The following GLIS1 variants were observed in gnomAD, a reference collection of about 807,000 sequenced individuals.
GLIS1 encodes the protein GLIS family zinc finger 1.
A neutral mutation model predicts 63.8 loss-of-function variants in GLIS1; 24 were observed. The ratio of observed to expected loss-of-function variants is 0.38; its 90% CI spans 0.27 to 0.53. The LOEUF (loss-of-function observed/expected upper bound fraction) is 0.53. Ranked by LOEUF, GLIS1 falls within the 20% of genes least tolerant of loss-of-function variation. GLIS1 has a pLI of 0.85. For synonymous variants in GLIS1, 450 were observed against 482.5 expected, an observed-to-expected ratio of 0.93 and a Z score of 0.88; for missense variants, 1,036 against 1,074.1, an observed-to-expected ratio of 0.96 and a Z score of 0.50.
chr1:53,509,937 C>A lies in GLIS1; in HGVS notation c.1974G>T (p.Pro658=). ...GGAGTGTGGGGAAGGGCTGGCCCCCCGGAGAATGGCTCTGAGAGGATGGGG... is the reference window on the plus strand; with the variant it reads ...GGAGTGTGGGGAAGGGCTGGCCCCCAGGAGAATGGCTCTGAGAGGATGGGG... ...PLPPSSQSHS[P]GGQPFPTLPS... is the part of the protein sequence containing the mutation. Residue 658 remains proline, a synonymous_variant, in exon 9 of 11, where the codon CCG becomes CCT. Transcript: ENST00000628545. 2 of 1,304,022 alleles carry A rather than the reference C, an allele frequency of 1.5e-6. No individual in the cohort carries two copies. The highest frequency in any genetic ancestry group is 2.0e-6 in the Non-Finnish European group (2 of 1,017,744). 80.8% of individuals were successfully genotyped at this position (1,304,022 alleles called of 1,614,324 possible).
chr1:53,626,344 C>T (rs558865206), intron 2 of GLIS1, among the ~76,000 whole-genome samples: 10 of 152,288 alleles, frequency 6.6e-5, no homozygotes, highest in Admixed American at 5.9e-4. Flanking sequence ...AGTCTGTCCT[C>T]GAGAGCCAGC....
rs765023362 is a variant in GLIS1 at position 53,574,930 on chromosome 1, C to T, written c.1320+19178G>A. 6.6e-6 allele frequency among the ~76,000 whole-genome samples: 1 copy of T among 152,110 alleles called. No homozygotes were observed. Among genetic ancestry groups the T allele is most frequent in the Admixed American group, 6.5e-5 (1 of 15,278 alleles). ...CTCTTAACAAATGGTGTGATCACTCCGGGGGCAGGGTGGGCAGCCCCGGTC... is the reference window on the plus strand; with the variant it reads ...CTCTTAACAAATGGTGTGATCACTCTGGGGGCAGGGTGGGCAGCCCCGGTC... On this transcript the variant is annotated intron_variant, in intron 4 of 10. Transcript: ENST00000628545. This position sits in a 1 kb window ranked among gnomAD's most constrained non-coding sequence, Gnocchi z 4.2.
At chr1:53,698,636 C>A (rs557748599) in intron 2 of GLIS1, among the ~76,000 whole-genome samples, 1 of 152,338 alleles carries the variant, frequency 6.6e-6, no homozygotes, top group South Asian at 2.1e-4. Context: ...GCCCTGCCAC[C>A]TGGGTCCGGG....
chr1:53,582,946 C>T (rs1045777545), intron 4 of GLIS1, among the ~76,000 whole-genome samples: 3 of 152,180 alleles, frequency 2.0e-5, no homozygotes, highest in Non-Finnish European at 4.4e-5. Flanking sequence ...ATCTGAAGCA[C>T]TCATTTTTTC....
chr1:53,506,882 C>T (rs1644239804), intron 10 of GLIS1, 106 bp from the exon 11 acceptor site: 1 of 1,158,752 alleles, frequency 8.6e-7, no homozygotes, highest in Non-Finnish European at 1.2e-6. Flanking sequence ...CATCCCCTCA[C>T]AGTGTCCCGT....
intron 4 of GLIS1, among the ~76,000 whole-genome samples, chr1:53,542,412 C>T (rs890946305): frequency 1.3e-5 from 2 of 152,200 alleles, no homozygotes; most frequent in Non-Finnish European, 2.9e-5. Context: ...ATAAACCCAT[C>T]GGAGAGTGCC....
chr1:53,683,354 CA>C (rs1287844845), intron 2 of GLIS1, among the ~76,000 whole-genome samples: 1 of 148,502 alleles, frequency 6.7e-6, no homozygotes, highest in Non-Finnish European at 1.5e-5. Flanking sequence ...TGAGCCCCCC[CA>C]ACCAAAGGCC....
intron 2 of GLIS1, among the ~76,000 whole-genome samples, chr1:53,651,736 T>C (rs1055650260): frequency 6.6e-6 from 1 of 152,084 alleles, no homozygotes; most frequent in Non-Finnish European, 1.5e-5. Flanking sequence ...TAGCTGGGCA[T>C]GGTGGCACAC....
intron 8 of GLIS1, 78 bp from the exon 9 acceptor site, chr1:53,510,105 A>G: frequency 2.5e-6 from 2 of 793,986 alleles, no homozygotes; most frequent in African/African-American, 1.8e-5. Flanking sequence ...TGCGGCTTAC[A>G]CCCCTCCAGC....
chr1:53,537,199 G>C (rs890807626), intron 4 of GLIS1, among the ~76,000 whole-genome samples: 4 of 152,218 alleles, frequency 2.6e-5, no homozygotes, highest in African/African-American at 9.6e-5. Context: ...GCTTGGGGAG[G>C]GGGAGGGCTG....
intron 2 of GLIS1, among the ~76,000 whole-genome samples, chr1:53,609,266 CTTT>C (rs1221426769): frequency 2.5e-5 from 2 of 81,378 alleles, no homozygotes; most frequent in African/African-American, 5.1e-5. Context: ...GGGTTTAAAT[CTTT>C]TTTTTTTTTT....
chr1:53,618,863 ACC>A (rs929957234), intron 2 of GLIS1, among the ~76,000 whole-genome samples: 119 of 152,152 alleles, frequency 7.8e-4, no homozygotes, highest in African/African-American at 2.8e-3. Context: ...CAGGGAAAGG[ACC>A]CCCAGGCAGG....
chr1:53,614,655 T>C (rs1343810526), intron 2 of GLIS1, among the ~76,000 whole-genome samples: 1 of 151,968 alleles, frequency 6.6e-6, no homozygotes, highest in Admixed American at 6.6e-5. Context: ...TGCAGGGAGG[T>C]GGTGGCTTTG....
chr1:53,553,472 C>T (rs889605403), intron 4 of GLIS1, among the ~76,000 whole-genome samples: 14 of 152,230 alleles, frequency 9.2e-5, no homozygotes, highest in Admixed American at 6.5e-4. Flanking sequence ...ATCATTCTAG[C>T]TGCTGGTGAC....
At chr1:53,690,572 C>T (rs527910204) in intron 2 of GLIS1, among the ~76,000 whole-genome samples, 4 of 152,366 alleles carry the variant, frequency 2.6e-5, no homozygotes, top group East Asian at 3.9e-4. Flanking sequence ...GACGCTGTGG[C>T]GCAGCCTGCG....
chr1:53,555,781 GGTAT>G (rs1279906214), intron 4 of GLIS1, among the ~76,000 whole-genome samples: 5 of 149,564 alleles, frequency 3.3e-5, no homozygotes, highest in African/African-American at 1.2e-4. Context: ...GTGTACTGTA[GGTAT>G]GTGTGTGCAG....
chr1:53,671,231 C>T (rs1032883345), intron 2 of GLIS1, among the ~76,000 whole-genome samples: 1 of 152,102 alleles, frequency 6.6e-6, no homozygotes, highest in African/African-American at 2.4e-5. Flanking sequence ...AAGTGAAAAC[C>T]TGTCTTAGTA....
Position 53,737,786 on chromosome 1 carries a change from G to T in GLIS1, c.259+20C>A, listed in dbSNP as rs563915681. On this transcript the variant is annotated intron_variant, in intron 2 of 10. Transcript: ENST00000628545. ...AATCTCCACAGGAGCCGCCAGGCACGTTGGCAGGGCCGAACTCACCCTTCC... is the reference window on the plus strand; with the variant it reads ...AATCTCCACAGGAGCCGCCAGGCACTTTGGCAGGGCCGAACTCACCCTTCC... The T allele has an allele frequency of 1.3e-5, 16 of 1,230,932 alleles. No homozygotes were observed. The Admixed American group carries it at 3.8e-4, about 29-fold the overall frequency. 76.3% of individuals were successfully genotyped at this position (1,230,932 alleles called of 1,614,324 possible). A position where few individuals can be genotyped will look rare whatever the true frequency, so the allele number is the denominator to read the frequency against.
intron 2 of GLIS1, among the ~76,000 whole-genome samples, chr1:53,709,182 G>C (rs549934205): frequency 1.1e-4 from 17 of 152,054 alleles, no homozygotes; most frequent in African/African-American, 4.1e-4. Context: ...AGTCAGAGAC[G>C]GAAGGGACTT....
Sources: allele counts gnomAD v4.1 joint callset (sites outside exome capture counted in the v4.1 genomes callset), GRCh38; gene constraint gnomAD v4.1.1; non-coding constraint Gnocchi (gnomAD v3.1); transcripts MANE v1.5; gene names NCBI Gene and HGNC (gene_info 2026-07-23, HGNC 2026-07-21).